The following KCNC2 variants were observed in gnomAD, a reference collection of about 807,000 sequenced individuals.
KCNC2 encodes the protein potassium voltage-gated channel subfamily C member 2, also known as voltage-gated potassium channel KCNC2.
A neutral mutation model predicts 44.5 loss-of-function variants in KCNC2; 21 were observed. That is an observed-to-expected ratio of 0.47 (90% confidence interval 0.33 to 0.68). The LOEUF (loss-of-function observed/expected upper bound fraction) is 0.68, where lower values mean the gene tolerates loss of function less well. Among genes scored for constraint, KCNC2 ranks in the 30% least tolerant of loss-of-function variants. The pLI is 0.01. For missense variants in KCNC2, 589 were observed against 826.2 expected, an observed-to-expected ratio of 0.71 and a Z score of 3.52; for synonymous variants, 391 against 339.1, an observed-to-expected ratio of 1.15 and a Z score of -1.68.
intron 2 of KCNC2, among the ~76,000 whole-genome samples, chr12:75,079,774 C>A (rs758830538): frequency 1.2e-4 from 19 of 152,180 alleles, no homozygotes; most frequent in Non-Finnish European, 2.6e-4. Context: ...TATAAAATAA[C>A]CAAATAATCA....
chr12:75,097,878 A>C (rs573237376), intron 2 of KCNC2, among the ~76,000 whole-genome samples: 1 of 152,300 alleles, frequency 6.6e-6, no homozygotes, highest in South Asian at 2.1e-4. Context: ...TGTTTTTCTC[A>C]ATGTGAAATA....
intron 2 of KCNC2, among the ~76,000 whole-genome samples, chr12:75,205,918 C>T (rs77008077): frequency 0.021 from 3,057 of 147,568 alleles, 98 homozygotes; most frequent in African/African-American, 0.073. Context: ...AAAAGATTTC[C>T]AAGTTGAAGC....
At chr12:75,155,359 A>G (rs1890684706) in intron 2 of KCNC2, among the ~76,000 whole-genome samples, 1 of 151,916 alleles carries the variant, frequency 6.6e-6, no homozygotes, top group Admixed American at 6.6e-5. Context: ...AGAAACAAAG[A>G]AAACTAAGAA....
intron 2 of KCNC2, among the ~76,000 whole-genome samples, chr12:75,101,183 A>C (rs1327637183): frequency 1.3e-5 from 2 of 152,044 alleles, no homozygotes; most frequent in African/African-American, 2.4e-5. Flanking sequence ...AACTAAGGAG[A>C]TTTATAACCC....
intron 2 of KCNC2, among the ~76,000 whole-genome samples, chr12:75,074,988 A>G (rs1352225902): frequency 2.0e-5 from 3 of 152,234 alleles, no homozygotes; most frequent in African/African-American, 7.2e-5. Context: ...AAAGTGGAAA[A>G]GGGACAGAAA....
Position 75,042,268 on chromosome 12 carries a change from G to T in KCNC2, c.*837C>A. ...TTTCTGGCTAAACAATGCAAGCCTGGCTGGCAGTTACCTTTCTCTCATGTT... is the reference window on the plus strand; with the variant it reads ...TTTCTGGCTAAACAATGCAAGCCTGTCTGGCAGTTACCTTTCTCTCATGTT... On this transcript the variant is annotated 3_prime_UTR_variant, in exon 5 of 5. Transcript: ENST00000549446. 1 of 1,607,520 alleles carries T rather than the reference G, an allele frequency of 6.2e-7. No homozygotes were observed. The highest frequency in any genetic ancestry group is 2.2e-5 in the East Asian group (1 of 44,642).
chr12:75,113,866 A>G (rs1050763121), intron 2 of KCNC2, among the ~76,000 whole-genome samples: 3 of 152,178 alleles, frequency 2.0e-5, no homozygotes, highest in African/African-American at 7.2e-5. Context: ...ACTACCACAC[A>G]GAGTTTCAGG....
chr12:75,128,514 C>A (rs780301189), intron 2 of KCNC2, among the ~76,000 whole-genome samples: 3 of 152,058 alleles, frequency 2.0e-5, no homozygotes, highest in Non-Finnish European at 4.4e-5. Context: ...TCAAAAAATT[C>A]TTTGTTCCCA....
chr12:75,157,947 G>A (rs1204317509), intron 2 of KCNC2, among the ~76,000 whole-genome samples: 1 of 151,892 alleles, frequency 6.6e-6, no homozygotes, highest in Non-Finnish European at 1.5e-5. Context: ...TAAATGGCCA[G>A]GAGTCTTTAT....
intron 2 of KCNC2, among the ~76,000 whole-genome samples, chr12:75,203,363 C>CT (rs2031446367): frequency 1.3e-5 from 2 of 151,642 alleles, no homozygotes; most frequent in Non-Finnish European, 3.0e-5. Context: ...CTACGGAGTA[C>CT]GTTTTGGTAA....
chr12:75,041,752 C>CTTTT lies in KCNC2; in HGVS notation c.*1352_*1353insAAAA, dbSNP rs1244096642. 6.0e-6 allele frequency: 6 copies of CTTTT among 991,786 alleles called. No individual in the cohort carries two copies. In the African/African-American group the frequency reaches 1.0e-4, roughly 17 times the overall value. 61.4% of individuals were successfully genotyped at this position (991,786 alleles called of 1,614,324 possible). A position where few individuals can be genotyped will look rare whatever the true frequency, so the allele number is the denominator to read the frequency against. The stretch of plus-strand genomic sequence containing the variant: ...TGCAATGGTGAAATTGCTGCTTAAA[C>CTTTT]CCTGCTTATCAAAAAGATTCACAGT... On this transcript the variant is annotated 3_prime_UTR_variant, in exon 5 of 5. Transcript: ENST00000549446.
chr12:75,062,071 G>A (rs973464344), intron 2 of KCNC2, among the ~76,000 whole-genome samples: 3 of 152,010 alleles, frequency 2.0e-5, no homozygotes, highest in African/African-American at 7.2e-5. Flanking sequence ...AAAATTCAGT[G>A]AATTCATCTG....
Position 75,042,980 on chromosome 12 carries a change from T to C in KCNC2, c.*125A>G. The C allele has an allele frequency of 1.4e-6, 2 of 1,431,252 alleles. No homozygotes were observed. Among genetic ancestry groups the C allele is most frequent in the Non-Finnish European group, 1.8e-6 (2 of 1,091,540 alleles). 88.7% of individuals were successfully genotyped at this position (1,431,252 alleles called of 1,614,324 possible). A position where few individuals can be genotyped will look rare whatever the true frequency, so the allele number is the denominator to read the frequency against. ...GCATTTCTGACTTCAAATTGTAGTA[T>C]CATGCAAGATTTATACTGTATTAAT... is the stretch of plus-strand genomic sequence containing the variant. On this transcript the variant is annotated 3_prime_UTR_variant, in exon 5 of 5. Transcript: ENST00000549446.
chr12:75,089,620 T>C (rs1163911872), intron 2 of KCNC2, among the ~76,000 whole-genome samples: 2 of 151,890 alleles, frequency 1.3e-5, no homozygotes, highest in African/African-American at 4.8e-5. Flanking sequence ...AGTTTTATAC[T>C]TAGTCACAAT....
intron 2 of KCNC2, among the ~76,000 whole-genome samples, chr12:75,099,070 T>C (rs1221727740): frequency 6.6e-6 from 1 of 152,198 alleles, no homozygotes; most frequent in East Asian, 1.9e-4. Context: ...TTAATAATCT[T>C]ATCTAAAAAC....
intron 2 of KCNC2, chr12:75,124,005 C>G (rs960077016): frequency 2.0e-5 from 3 of 152,158 alleles, no homozygotes; most frequent in African/African-American, 7.2e-5. Flanking sequence ...CTTAAAAAAA[C>G]TCACCACATT....
intron 2 of KCNC2, among the ~76,000 whole-genome samples, chr12:75,177,887 A>G (rs904459951): frequency 2.0e-5 from 3 of 152,048 alleles, no homozygotes; most frequent in African/African-American, 7.2e-5. Context: ...GGAAACTTCA[A>G]CAAAGTTGGA....
intron 2 of KCNC2, among the ~76,000 whole-genome samples, chr12:75,079,956 A>T (rs1884337009): frequency 6.6e-6 from 1 of 152,158 alleles, no homozygotes; most frequent in East Asian, 1.9e-4. Context: ...ATCAGAAGTG[A>T]GAATAAAAAG....
intron 2 of KCNC2, among the ~76,000 whole-genome samples, chr12:75,102,052 C>T (rs1371655144): frequency 1.3e-5 from 2 of 152,020 alleles, no homozygotes; most frequent in Non-Finnish European, 2.9e-5. Flanking sequence ...AATTTCTTTG[C>T]ATGCATTGCT....
Sources: allele counts gnomAD v4.1 joint callset (sites outside exome capture counted in the v4.1 genomes callset), GRCh38; gene constraint gnomAD v4.1.1; transcripts MANE v1.5; gene names NCBI Gene and HGNC (gene_info 2026-07-23, HGNC 2026-07-21).